PTDSS1: variants seen among roughly 807,000 people sequenced by gnomAD.
PTDSS1 encodes the protein PSS-1.
PTDSS1 carries 45 observed loss-of-function variants against 70.5 expected under a neutral mutation model. The observed-to-expected ratio is 0.64, with a 90% confidence interval of 0.50 to 0.82. The LOEUF is 0.82. PTDSS1 is among the 40% of genes least tolerant of loss of function. The probability of loss-of-function intolerance (pLI) is 0.00; values close to 1 mark genes in which losing one functional copy is unlikely to be tolerated. For missense variants in PTDSS1, 417 were observed against 586.1 expected (o/e 0.71, Z 2.98); for synonymous variants, 188 against 203.8 (o/e 0.92, Z 0.66).
intron 5 of PTDSS1, 144 bp from the exon 6 acceptor site, chr8:96,299,550 G>A (rs1811021725): frequency 1.2e-6 from 1 of 867,534 alleles, no homozygotes; most frequent in Non-Finnish European, 1.7e-6. Context: ...ACCTGTTACT[G>A]TTGGTTATTT....
At position 96,279,743 on chromosome 8, in the gene PTDSS1, C is replaced by T. The variant is rs539380099; in HGVS notation, c.272-4366C>T. ...CTGAGGCAGGAGAATTGCATGAACCCGGGAGGCGGAGGTTGTAGTGAGCCG... is the reference window on the plus strand; with the variant it reads ...CTGAGGCAGGAGAATTGCATGAACCTGGGAGGCGGAGGTTGTAGTGAGCCG... On this transcript the variant is annotated intron_variant, in intron 2 of 12. Coordinates refer to ENST00000517309, the MANE Select transcript of PTDSS1 (RefSeq NM_014754.3). 4.9e-4 allele frequency among the ~76,000 whole-genome samples: 74 copies of T among 151,940 alleles called. No individual in the cohort carries two copies. In the South Asian group the frequency reaches 5.2e-3, roughly 11 times the overall value.
chr8:96,313,547 T>C (rs1293631060), intron 9 of PTDSS1, among the ~76,000 whole-genome samples: 1 of 152,222 alleles, frequency 6.6e-6, no homozygotes, highest in Non-Finnish European at 1.5e-5. Flanking sequence ...AGCAGTGTTT[T>C]ATCGCCTGGT....
At chr8:96,305,126 T>G in intron 7 of PTDSS1, among the ~76,000 whole-genome samples, 1 of 152,304 alleles carries the variant, frequency 6.6e-6, no homozygotes, top group East Asian at 1.9e-4. Flanking sequence ...AGGCCCAATG[T>G]CACGGAAAGC....
At chr8:96,329,088 T>C (rs985788103) in intron 10 of PTDSS1, among the ~76,000 whole-genome samples, 1 of 152,158 alleles carries the variant, frequency 6.6e-6, no homozygotes, top group Non-Finnish European at 1.5e-5. Context: ...TCTAAAGTTA[T>C]GATTCTTAGA....
rs1295545857 is a variant in PTDSS1 at position 96,336,036 on chromosome 8, C to G, written c.*2470C>G. On this transcript the variant is annotated 3_prime_UTR_variant, in exon 13 of 13. Coordinates refer to ENST00000517309, the MANE Select transcript of PTDSS1 (RefSeq NM_014754.3). Reference sequence around the variant, plus strand: ...TAGGTTCTTTTCCCTTTTTTTCATTCTTGGTCTTCCCAAAGCTTCTTCCCA... The same window carrying G: ...TAGGTTCTTTTCCCTTTTTTTCATTGTTGGTCTTCCCAAAGCTTCTTCCCA... The G allele has an allele frequency of 6.7e-6, 1 of 150,056 alleles. No individual in the cohort carries two copies. Among genetic ancestry groups the G allele is most frequent in the Non-Finnish European group, 1.5e-5 (1 of 67,926 alleles). 9.3% of individuals were successfully genotyped at this position (150,056 alleles called of 1,614,324 possible). A position where few individuals can be genotyped will look rare whatever the true frequency, so the allele number is the denominator to read the frequency against.
chr8:96,275,238 C>A (rs1224906563), intron 2 of PTDSS1, among the ~76,000 whole-genome samples: 1 of 152,186 alleles, frequency 6.6e-6, no homozygotes, highest in Non-Finnish European at 1.5e-5. Flanking sequence ...GCACTACATC[C>A]TCAAACTCCT....
At position 96,290,366 on chromosome 8, in the gene PTDSS1, C is replaced by T. The variant is rs111579892; in HGVS notation, c.441+3220C>T. Among the ~76,000 whole-genome samples, 558 of 152,212 alleles carry T rather than the reference C, an allele frequency of 3.7e-3. 5 individuals are homozygous for T. Among genetic ancestry groups the T allele is most frequent in the African/African-American group, 0.013 (533 of 41,526 alleles). ...ATGTGCTTGTGTGCCTCTGCTGATC[C>T]AGTTCTCACAGCCAGTAGGAGGAGA... On this transcript the variant is annotated intron_variant, in intron 4 of 12. Transcript: ENST00000517309.
In PTDSS1 at chr8:96,268,244, G is replaced by T. The variant is rs1164937071; in HGVS notation, c.180-5055G>T. On this transcript the variant is annotated intron_variant, in intron 1 of 12. Transcript: ENST00000517309. ...ACTTTCTATAAAATAGATGAATGTG[G>T]TATTAAAGATAATACCTAAGCTACT... Among the ~76,000 whole-genome samples, 3 of 152,278 alleles carry T rather than the reference G, an allele frequency of 2.0e-5. No homozygotes were observed. In the East Asian group the frequency reaches 5.8e-4, roughly 29 times the overall value.
At chr8:96,295,886 CTT>C (rs2130080491) in intron 5 of PTDSS1, among the ~76,000 whole-genome samples, 1 of 152,292 alleles carries the variant, frequency 6.6e-6, no homozygotes, top group South Asian at 2.1e-4. Context: ...CTGACCCTAA[CTT>C]AGAGACGTGT....
rs1335995045 is a variant in PTDSS1, at chr8:96,283,775, A to G, written c.272-334A>G. On this transcript the variant is annotated intron_variant, in intron 2 of 12. Coordinates refer to ENST00000517309, the MANE Select transcript of PTDSS1 (RefSeq NM_014754.3). ...TTTTACTTGTTAAGGTACAATATGC[A>G]TCACACACACTTAAGCCTAGCCTGA... 4 of 248,308 alleles carry G rather than the reference A, an allele frequency of 1.6e-5. 1 individual carries two copies. Among genetic ancestry groups the G allele is most frequent in the South Asian group, 7.2e-5 (1 of 13,966 alleles). 15.4% of individuals were successfully genotyped at this position (248,308 alleles called of 1,614,324 possible). A position where few individuals can be genotyped will look rare whatever the true frequency, so the allele number is the denominator to read the frequency against.
intron 4 of PTDSS1, among the ~76,000 whole-genome samples, chr8:96,291,985 A>G (rs28436629): frequency 0.073 from 11,108 of 152,160 alleles, 451 homozygotes; most frequent in African/African-American, 0.082. Flanking sequence ...TGGAGGAGAA[A>G]AAAAGAAACC....
At chr8:96,330,586 G>A in intron 11 of PTDSS1, 1 of 425,316 alleles carries the variant, frequency 2.4e-6, no homozygotes, top group South Asian at 2.5e-5. Flanking sequence ...TGGAAGCTGG[G>A]TTTTCTCCCC....
At chr8:96,310,861 G>T (rs1267846475) in intron 9 of PTDSS1, among the ~76,000 whole-genome samples, 1 of 151,894 alleles carries the variant, frequency 6.6e-6, no homozygotes, top group Non-Finnish European at 1.5e-5. Context: ...CGCCTCCCAG[G>T]TTCAAGCGAT....
intron 2 of PTDSS1, among the ~76,000 whole-genome samples, chr8:96,275,544 CTT>C (rs1191613849): frequency 6.6e-6 from 1 of 152,110 alleles, no homozygotes; most frequent in African/African-American, 2.4e-5. Context: ...GTGCTTGGGT[CTT>C]ATGTAGACCC....
At chr8:96,270,957 A>G (rs1174167192) in intron 1 of PTDSS1, among the ~76,000 whole-genome samples, 1 of 152,222 alleles carries the variant, frequency 6.6e-6, no homozygotes, top group Non-Finnish European at 1.5e-5. Flanking sequence ...CTTTTCAAGC[A>G]TTTTGATTGG....
Position 96,334,418 on chromosome 8 carries a change from A to G in PTDSS1, c.*852A>G, listed in dbSNP as rs1811567058. Reference sequence around the variant, plus strand: ...TCCATGGTGTGTTGCTGACATTGTCACTGAGTCCCATGTGAGGTGCTGGTG... The same window carrying G: ...TCCATGGTGTGTTGCTGACATTGTCGCTGAGTCCCATGTGAGGTGCTGGTG... On this transcript the variant is annotated 3_prime_UTR_variant, in exon 13 of 13. Transcript: ENST00000517309. The G allele has an allele frequency of 6.6e-6, 1 of 152,662 alleles. No homozygotes were observed. The highest frequency in any genetic ancestry group is 2.1e-4 in the South Asian group (1 of 4,826). The allele number at this position is 152,662 out of a possible 1,614,324, so 9.5% of individuals were successfully genotyped here.
chr8:96,321,313 T>TA (rs1466934353), intron 10 of PTDSS1, among the ~76,000 whole-genome samples: 1 of 152,192 alleles, frequency 6.6e-6, no homozygotes, highest in Non-Finnish European at 1.5e-5. Context: ...TTATCATATC[T>TA]AAAAAAGAAT....
At chr8:96,331,609 A>G (rs1385387608) in intron 12 of PTDSS1, among the ~76,000 whole-genome samples, 1 of 152,000 alleles carries the variant, frequency 6.6e-6, no homozygotes, top group African/African-American at 2.4e-5. Flanking sequence ...AAAAAGAAAC[A>G]TGCAAAATGC....
rs116472600 is a variant in PTDSS1 at position 96,301,414 on chromosome 8, A to G, written c.752+1569A>G. Among the ~76,000 whole-genome samples, 860 of 150,742 alleles carry G rather than the reference A, an allele frequency of 5.7e-3. 8 individuals are homozygous for G. Among genetic ancestry groups the G allele is most frequent in the African/African-American group, 0.019 (798 of 41,096 alleles). ...CCAGCCTGTCATCCCCTTTTAAACT[A>G]GTTTGTGGTGGATTTTTTATTTAAA... is the stretch of plus-strand genomic sequence containing the variant. On this transcript the variant is annotated intron_variant, in intron 6 of 12. Coordinates refer to ENST00000517309, the MANE Select transcript of PTDSS1 (RefSeq NM_014754.3).
Sources: allele counts gnomAD v4.1 joint callset (sites outside exome capture counted in the v4.1 genomes callset), GRCh38; gene constraint gnomAD v4.1.1; transcripts MANE v1.5; gene names NCBI Gene and HGNC (gene_info 2026-07-23, HGNC 2026-07-21).